WWOX: variants seen among roughly 807,000 people sequenced by gnomAD.
The protein encoded by WWOX is WW domain-containing oxidoreductase.
A neutral mutation model predicts 46.2 loss-of-function variants in WWOX; 69 were observed. The observed-to-expected ratio is 1.49, with a 90% CI of 1.23 to 1.82. The LOEUF is 1.82. Ranked by LOEUF, WWOX falls within the 40% of genes most tolerant of loss-of-function variation. WWOX has a pLI of 0.00. For synonymous variants in WWOX, 359 were observed against 202.6 expected (o/e 1.77, Z -6.56); for missense variants, 919 against 542.6 (o/e 1.69, Z -6.89).
intron 8 of WWOX, among the ~76,000 whole-genome samples, chr16:78,988,120 A>G (rs746915925): frequency 6.6e-6 from 1 of 152,096 alleles, no homozygotes; most frequent in Non-Finnish European, 1.5e-5. Context: ...AGGCTGGTGG[A>G]TCACCTGAGG....
intron 8 of WWOX, among the ~76,000 whole-genome samples, chr16:78,868,563 G>C (rs547184655): frequency 1.1e-4 from 17 of 152,218 alleles, no homozygotes; most frequent in African/African-American, 4.1e-4. Flanking sequence ...TGAATTCCAG[G>C]ACCATTAAAT....
At chr16:78,909,355 G>C (rs150593064) in intron 8 of WWOX, among the ~76,000 whole-genome samples, 64 of 152,284 alleles carry the variant, frequency 4.2e-4, no homozygotes, top group Non-Finnish European at 5.9e-4. Flanking sequence ...TGGCCTTCGA[G>C]CCTCATGTAT....
At chr16:78,838,862 G>A (rs187145640) in intron 8 of WWOX, among the ~76,000 whole-genome samples, 551 of 152,194 alleles carry the variant, frequency 3.6e-3, no homozygotes, top group Non-Finnish European at 5.3e-3. Flanking sequence ...GAAAAGAGAA[G>A]AAAAGGAAAG....
At chr16:78,535,890 C>G (rs538066272) in intron 8 of WWOX, among the ~76,000 whole-genome samples, 1 of 152,062 alleles carries the variant, frequency 6.6e-6, no homozygotes, top group African/African-American at 2.4e-5. Flanking sequence ...TCATTTTCCT[C>G]GGTGGTGAAG....
intron 8 of WWOX, among the ~76,000 whole-genome samples, chr16:79,036,455 C>T (rs975283997): frequency 6.6e-6 from 1 of 152,252 alleles, no homozygotes; most frequent in Non-Finnish European, 1.5e-5. Context: ...CTGCATCATT[C>T]ATGACATGTG....
At chr16:78,981,821 C>T (rs960417119) in intron 8 of WWOX, 1 of 152,162 alleles carries the variant, frequency 6.6e-6, no homozygotes, top group Non-Finnish European at 1.5e-5. Flanking sequence ...AGGTCATTTC[C>T]CTGAGTTACA....
chr16:78,765,045 A>G (rs372341419), intron 8 of WWOX, among the ~76,000 whole-genome samples: 2 of 152,216 alleles, frequency 1.3e-5, no homozygotes, highest in South Asian at 2.1e-4. Context: ...GCCCAACAGG[A>G]CAGTGGAAGG....
chr16:78,387,555 G>A (rs75657283), intron 6 of WWOX, among the ~76,000 whole-genome samples: 7,453 of 152,070 alleles, frequency 0.049, 620 homozygotes, highest in African/African-American at 0.17. Flanking sequence ...TTCTAACAGA[G>A]AAGGTTGTAG....
At chr16:79,115,317 A>T (rs150453302) in intron 8 of WWOX, among the ~76,000 whole-genome samples, 1 of 152,218 alleles carries the variant, frequency 6.6e-6, no homozygotes, top group Non-Finnish European at 1.5e-5. Flanking sequence ...TGTATACTTC[A>T]TCTCATTCCA....
At chr16:78,839,319 A>G (rs1270264020) in intron 8 of WWOX, among the ~76,000 whole-genome samples, 5 of 151,998 alleles carry the variant, frequency 3.3e-5, no homozygotes, top group Non-Finnish European at 7.4e-5. Context: ...TTAAAATGTA[A>G]TTACATCTAA....
intron 8 of WWOX, among the ~76,000 whole-genome samples, chr16:78,558,548 A>G (rs1424281276): frequency 6.6e-6 from 1 of 152,220 alleles, no homozygotes; most frequent in Non-Finnish European, 1.5e-5. Context: ...CATAGTACCC[A>G]TCAGGCCTGC....
At chr16:78,814,510 G>T (rs753789052) in intron 8 of WWOX, among the ~76,000 whole-genome samples, 1 of 151,708 alleles carries the variant, frequency 6.6e-6, no homozygotes, top group Non-Finnish European at 1.5e-5. Flanking sequence ...TTAGAATGTT[G>T]GCTTTTCATA....
At chr16:78,896,141 G>A (rs1308221446) in intron 8 of WWOX, 2 of 151,070 alleles carry the variant, frequency 1.3e-5, no homozygotes, top group Non-Finnish European at 2.9e-5. Flanking sequence ...ATAAAAGAAG[G>A]AAATAGAAAT....
At chr16:78,585,430 C>T (rs2045172741) in intron 8 of WWOX, among the ~76,000 whole-genome samples, 2 of 152,098 alleles carry the variant, frequency 1.3e-5, no homozygotes, top group African/African-American at 2.4e-5. Flanking sequence ...CAGCCTTTGA[C>T]CACCTCCCAA....
At chr16:79,033,791 C>G (rs954878380) in intron 8 of WWOX, among the ~76,000 whole-genome samples, 1 of 152,326 alleles carries the variant, frequency 6.6e-6, no homozygotes, top group South Asian at 2.1e-4. Context: ...CTCTTGGTAC[C>G]TCATATAAGT....
intron 8 of WWOX, among the ~76,000 whole-genome samples, chr16:78,558,710 G>A (rs1004599672): frequency 6.6e-6 from 1 of 152,234 alleles, no homozygotes; most frequent in Non-Finnish European, 1.5e-5. Context: ...GCCTCTGCCA[G>A]TGTCACTTCT....
At chr16:78,926,232 G>T (rs1460051231) in intron 8 of WWOX, among the ~76,000 whole-genome samples, 1 of 152,114 alleles carries the variant, frequency 6.6e-6, no homozygotes, top group African/African-American at 2.4e-5. Context: ...GCTTAGCCAG[G>T]CATGGTGGTG....
intron 8 of WWOX, among the ~76,000 whole-genome samples, chr16:79,034,433 C>T (rs993632257): frequency 6.6e-6 from 1 of 152,174 alleles, no homozygotes; most frequent in African/African-American, 2.4e-5. Context: ...ACTGCCTGGG[C>T]CTTGTACTCT....
chr16:78,767,715 A>G (rs576570984), intron 8 of WWOX, among the ~76,000 whole-genome samples: 15 of 152,202 alleles, frequency 9.9e-5, no homozygotes, highest in East Asian at 9.6e-4. Flanking sequence ...GTTGCTCCAC[A>G]TCTACCCAAT....
Sources: allele counts gnomAD v4.1 joint callset (sites outside exome capture counted in the v4.1 genomes callset), GRCh38; gene constraint gnomAD v4.1.1; transcripts MANE v1.5; gene names NCBI Gene and HGNC (gene_info 2026-07-23, HGNC 2026-07-21).